The following PPID variants were observed in gnomAD, a reference collection of about 807,000 sequenced individuals.
PPID encodes peptidylprolyl isomerase D.
In PPID, 47 loss-of-function variants were observed where a neutral mutation model predicts 48.1. The ratio of observed to expected loss-of-function variants is 0.98; its 90% confidence interval spans 0.77 to 1.25. The LOEUF is 1.25. Among genes scored for constraint, PPID ranks in the 50% most tolerant of loss-of-function variants. The probability of loss-of-function intolerance (pLI) is 0.00; values close to 1 mark genes in which losing one functional copy is unlikely to be tolerated. For missense variants in PPID, 429 were observed against 443.5 expected (o/e 0.97, Z 0.29); for synonymous variants, 163 against 148.8 (o/e 1.10, Z -0.69).
chr4:158,719,252 G>C lies in PPID; in HGVS notation c.261C>G (p.Phe87Leu). The C allele has an allele frequency of 6.2e-7, 1 of 1,611,136 alleles. No individual in the cohort carries two copies. The highest frequency in any genetic ancestry group is 1.3e-5 in the African/African-American group (1 of 74,908). The stretch of plus-strand genomic sequence containing the variant: ...CTCCACCTGTCCCATTCTGATTTGA[G>C]AAGTCTCCACCCTGAATCATAAATT... Reference protein sequence around the residue: ...IKKFMIQGGDFSNQNGTGGES... With the variant: ...IKKFMIQGGDLSNQNGTGGES... The change falls in exon 3 of 10, where the codon TTC becomes TTG. Residue 87 changes from phenylalanine (F) to leucine (L), a missense_variant. Phe to Leu is a conservative substitution (Grantham distance 22). Transcript: ENST00000307720.
At chr4:158,717,280 T>C (rs980720489) in intron 3 of PPID, 80 bp from the exon 4 acceptor site, 2 of 1,330,270 alleles carry the variant, frequency 1.5e-6, no homozygotes, top group East Asian at 2.5e-5. Context: ...ACTGTTCTTT[T>C]ACTGAACATA....
Position 158,717,202 on chromosome 4 carries a change from T to C in PPID, c.334-2A>G, listed in dbSNP as rs1398268926. 5 of 1,599,074 alleles carry C rather than the reference T, an allele frequency of 3.1e-6. No homozygotes were observed. The highest frequency in any genetic ancestry group is 2.2e-5 in the East Asian group (1 of 44,792). On this transcript the variant is annotated splice_acceptor_variant, in intron 3 of 9. Coordinates refer to ENST00000307720, the MANE Select transcript of PPID (RefSeq NM_005038.3). LOFTEE classifies it high-confidence loss of function. ...GCTCAGTAAACCCTCCCGATCATGC[T>C]GTAGAAATAAAAATTAAAAGAAAAC...
chr4:158,712,998 GTT>G, intron 7 of PPID, 119 bp downstream of exon 7: 3 of 1,027,058 alleles, frequency 2.9e-6, no homozygotes, highest in Non-Finnish European at 4.2e-6. Context: ...GAAACAAAAT[GTT>G]TTCTTAAGCC....
chr4:158,720,758 A>T (rs533125508), intron 2 of PPID, among the ~76,000 whole-genome samples: 12 of 152,228 alleles, frequency 7.9e-5, no homozygotes, highest in African/African-American at 2.9e-4. Context: ...TCTGTCGCCC[A>T]GGATGGAGTG....
intron 7 of PPID, among the ~76,000 whole-genome samples, chr4:158,711,502 C>T (rs748785016): frequency 6.6e-6 from 1 of 151,892 alleles, no homozygotes; most frequent in Non-Finnish European, 1.5e-5. Context: ...GCTGGAATTA[C>T]AGGCATGAAC....
intron 6 of PPID, 41 bp downstream of exon 6, chr4:158,715,256 T>C (rs1774851673): frequency 2.2e-6 from 3 of 1,334,802 alleles, no homozygotes; most frequent in Admixed American, 6.5e-5. Context: ...TATAATTCAA[T>C]TTATAATTTC....
chr4:158,713,155 C>A lies in PPID; in HGVS notation c.858G>T (p.Met286Ile), dbSNP rs1188709742. 1 of 1,614,062 alleles carries A rather than the reference C, an allele frequency of 6.2e-7. No individual in the cohort carries two copies. The highest frequency in any genetic ancestry group is 8.5e-7 in the Non-Finnish European group (1 of 1,180,002). ...VLNIGACKLK[M>I]SNWQGAIDSC... The stretch of plus-strand genomic sequence containing the variant: ...TGTCAATTGCTCCCTGCCAATTTGA[C>A]ATCTTCAGTTTACAAGCACCAATAT... The change falls in exon 7 of 10, where the codon ATG (methionine) becomes ATT (isoleucine). Residue 286 changes from methionine (M) to isoleucine (I), a missense_variant. Physicochemically the swap from Met to Ile is conservative, Grantham distance 10 (BLOSUM62 1). Coordinates refer to ENST00000307720, the MANE Select transcript of PPID (RefSeq NM_005038.3).
intron 6 of PPID, among the ~76,000 whole-genome samples, chr4:158,714,592 CTTT>C (rs113579328): frequency 7.7e-5 from 11 of 141,946 alleles, no homozygotes; most frequent in Admixed American, 2.8e-4. Flanking sequence ...ATATGGATTA[CTTT>C]TTTTTTTTTT....
chr4:158,712,472 A>G (rs140040071), intron 7 of PPID, among the ~76,000 whole-genome samples: 9 of 152,198 alleles, frequency 5.9e-5, no homozygotes, highest in African/African-American at 1.9e-4. Context: ...ATAACTCTCT[A>G]TAACTACTTC....
intron 7 of PPID, among the ~76,000 whole-genome samples, chr4:158,711,203 CTT>C (rs1305297297): frequency 2.0e-5 from 3 of 152,016 alleles, no homozygotes; most frequent in South Asian, 2.1e-4. Context: ...CTTAATAACT[CTT>C]AAGTTATAAA....
At chr4:158,719,324 T>G (rs1203525358) in intron 2 of PPID, 38 bp from the exon 3 acceptor site, 1 of 1,342,058 alleles carries the variant, frequency 7.5e-7, no homozygotes, top group Admixed American at 1.7e-5. Context: ...GACTGAGACA[T>G]GGATGCCTTT....
chr4:158,710,722 TGTC>T, intron 8 of PPID, 37 bp downstream of exon 8: 1 of 1,609,800 alleles, frequency 6.2e-7, no homozygotes, highest in African/African-American at 1.3e-5. Flanking sequence ...TAAAGGTAGT[TGTC>T]TATTTTAAAA....
rs775301293 is a variant in PPID at position 158,723,314 on chromosome 4, G to A, written c.-26C>T. 1.1e-5 allele frequency: 18 copies of A among 1,606,620 alleles called. No individual in the cohort carries two copies. The highest frequency in any genetic ancestry group is 6.7e-5 in the Admixed American group (4 of 59,916). Reference sequence around the variant, plus strand: ...CTTGACTTGCAGACGTGTTTAGTACGGAATATCAGAGTACCTAGTGGCCGC... The same window carrying A: ...CTTGACTTGCAGACGTGTTTAGTACAGAATATCAGAGTACCTAGTGGCCGC... On this transcript the variant is annotated 5_prime_UTR_variant, in exon 1 of 10. Transcript: ENST00000307720.
chr4:158,714,100 G>T (rs1774832295), intron 6 of PPID, among the ~76,000 whole-genome samples: 1 of 152,154 alleles, frequency 6.6e-6, no homozygotes, highest in Non-Finnish European at 1.5e-5. Flanking sequence ...CTTGCAAACA[G>T]AAGAATGCTA....
Position 158,714,665 on chromosome 4 carries a change from G to A in PPID, c.752+632C>T, listed in dbSNP as rs1431538583. 2.0e-5 allele frequency among the ~76,000 whole-genome samples: 3 copies of A among 149,954 alleles called. No homozygotes were observed. The East Asian group carries it at 5.9e-4, about 30-fold the overall frequency. On this transcript the variant is annotated intron_variant, in intron 6 of 9. Transcript: ENST00000307720. ...GAGTGCAGTGGCATAATCTCGGCTT[G>A]CTGCAACCTCCACCTCCTGGGTTCA...
In PPID at chr4:158,709,461, G is replaced by C. The variant is rs552751042; in HGVS notation, c.*275C>G. ...GCAGGAGAATTGCTTGAACCCGGGAGGCAGAGGATGCAGTGAGCCGAGATT... is the reference window on the plus strand; with the variant it reads ...GCAGGAGAATTGCTTGAACCCGGGACGCAGAGGATGCAGTGAGCCGAGATT... On this transcript the variant is annotated 3_prime_UTR_variant, in exon 10 of 10. Coordinates refer to ENST00000307720, the MANE Select transcript of PPID (RefSeq NM_005038.3). 4 of 225,308 alleles carry C rather than the reference G, an allele frequency of 1.8e-5. No individual in the cohort carries two copies. The allele number at this position is 225,308 out of a possible 1,614,324, so 14.0% of individuals were successfully genotyped here.
At chr4:158,721,607 T>C in intron 1 of PPID, 124 bp from the exon 2 acceptor site, 1 of 1,210,670 alleles carries the variant, frequency 8.3e-7, no homozygotes, top group East Asian at 2.5e-5. Context: ...TACTGTAATT[T>C]TTCTTTTTTG....
chr4:158,711,169 TAA>T (rs1190003883), intron 7 of PPID, among the ~76,000 whole-genome samples: 1 of 152,216 alleles, frequency 6.6e-6, no homozygotes, highest in Non-Finnish European at 1.5e-5. Flanking sequence ...ACTTGAATTA[TAA>T]GTTTTTTAGG....
At chr4:158,719,582 A>G (rs1338110469) in intron 2 of PPID, among the ~76,000 whole-genome samples, 2 of 152,158 alleles carry the variant, frequency 1.3e-5, no homozygotes, top group East Asian at 1.9e-4. Flanking sequence ...TTTTTCTCCC[A>G]TAGTATCTTG....
Sources: allele counts gnomAD v4.1 joint callset (sites outside exome capture counted in the v4.1 genomes callset), GRCh38; gene constraint gnomAD v4.1.1; transcripts MANE v1.5; gene names NCBI Gene and HGNC (gene_info 2026-07-23, HGNC 2026-07-21).